KCND2: variants seen among roughly 807,000 people sequenced by gnomAD.
KCND2 encodes potassium voltage-gated channel subfamily D member 2, also known as A-type voltage-gated potassium channel KCND2.
KCND2 carries 16 observed loss-of-function variants against 54.4 expected under a neutral mutation model. The observed-to-expected ratio is 0.29, with a 90% CI of 0.20 to 0.45. The LOEUF (loss-of-function observed/expected upper bound fraction) is 0.45, where lower values mean the gene tolerates loss of function less well. Among genes scored for constraint, KCND2 ranks in the 20% least tolerant of loss-of-function variants. KCND2 has a pLI of 1.00. For synonymous variants in KCND2, 317 were observed against 310.7 expected, an observed-to-expected ratio of 1.02 and a Z score of -0.21; for missense variants, 486 against 824.2, an observed-to-expected ratio of 0.59 and a Z score of 5.02.
intron 1 of KCND2, among the ~76,000 whole-genome samples, chr7:120,532,668 C>CA (rs1172384815): frequency 1.3e-5 from 2 of 151,274 alleles, no homozygotes; most frequent in Admixed American, 6.6e-5. Flanking sequence ...GAAATGATAC[C>CA]AAAAAACCAT....
intron 1 of KCND2, among the ~76,000 whole-genome samples, chr7:120,292,681 A>G (rs896421274): frequency 3.4e-4 from 52 of 152,048 alleles, no homozygotes; most frequent in African/African-American, 1.2e-3. Context: ...AGTTTTAAAA[A>G]ATTGAGCTGA....
chr7:120,642,333 T>G (rs1003272071), intron 1 of KCND2, among the ~76,000 whole-genome samples: 1 of 149,676 alleles, frequency 6.7e-6, no homozygotes, highest in Admixed American at 6.7e-5. Context: ...GTGGATCACC[T>G]GAGGTCAGGA....
chr7:120,675,436 G>A (rs367606973), intron 1 of KCND2, among the ~76,000 whole-genome samples: 6 of 150,234 alleles, frequency 4.0e-5, no homozygotes, highest in South Asian at 2.1e-4. Context: ...ATGGGTTTTC[G>A]CCATGTTGGC....
chr7:120,524,288 GA>G (rs1791743862), intron 1 of KCND2, among the ~76,000 whole-genome samples: 1 of 151,930 alleles, frequency 6.6e-6, no homozygotes, highest in Admixed American at 6.6e-5. Flanking sequence ...TGTATACTAA[GA>G]ATAATAAGGT....
chr7:120,285,033 A>G (rs1799319705), intron 1 of KCND2, among the ~76,000 whole-genome samples: 1 of 152,190 alleles, frequency 6.6e-6, no homozygotes, highest in South Asian at 2.1e-4. Flanking sequence ...ATAACAGGAA[A>G]TTAAGAATAT....
At chr7:120,519,463 C>T (rs984132130) in intron 1 of KCND2, among the ~76,000 whole-genome samples, 1 of 152,110 alleles carries the variant, frequency 6.6e-6, no homozygotes, top group Admixed American at 6.6e-5. Context: ...AAATTCTGCC[C>T]ACAACCTGTC....
chr7:120,737,094 C>CAAA (rs1215749217), intron 2 of KCND2, among the ~76,000 whole-genome samples: 6 of 102,912 alleles, frequency 5.8e-5, no homozygotes, highest in African/African-American at 2.2e-4. Flanking sequence ...AAAAAAAAAA[C>CAAA]AAAACAAAAA....
intron 1 of KCND2, among the ~76,000 whole-genome samples, chr7:120,492,599 G>T (rs1238575907): frequency 3.3e-5 from 5 of 152,022 alleles, no homozygotes; most frequent in Non-Finnish European, 5.9e-5. Context: ...CCTTCTAGCT[G>T]TGTCCTGAAA....
chr7:120,526,116 T>TA, intron 1 of KCND2, among the ~76,000 whole-genome samples: 1 of 152,146 alleles, frequency 6.6e-6, no homozygotes, highest in East Asian at 1.9e-4. Context: ...CCAGGTCAGG[T>TA]TCTTTAGTAT....
At chr7:120,490,908 A>G (rs1562853655) in intron 1 of KCND2, among the ~76,000 whole-genome samples, 1 of 152,188 alleles carries the variant, frequency 6.6e-6, no homozygotes, top group Non-Finnish European at 1.5e-5. Context: ...AGTTATAACG[A>G]GATTTTGGGA....
intron 1 of KCND2, among the ~76,000 whole-genome samples, chr7:120,337,390 G>T (rs1442475291): frequency 1.3e-5 from 2 of 152,082 alleles, no homozygotes; most frequent in Non-Finnish European, 2.9e-5. Context: ...AAAACATCAG[G>T]GCCTAGCAAA....
At chr7:120,281,080 C>T (rs1230098709) in intron 1 of KCND2, among the ~76,000 whole-genome samples, 1 of 152,040 alleles carries the variant, frequency 6.6e-6, no homozygotes, top group Non-Finnish European at 1.5e-5. Context: ...GAATCTTTTA[C>T]CTGGCCTGAT....
intron 1 of KCND2, among the ~76,000 whole-genome samples, chr7:120,629,479 C>T (rs868329876): frequency 1.3e-5 from 2 of 152,024 alleles, no homozygotes; most frequent in African/African-American, 4.8e-5. Context: ...GAGCGAGACT[C>T]CGTCTCGGGG....
chr7:120,373,110 G>T (rs1312444201), intron 1 of KCND2, among the ~76,000 whole-genome samples: 1 of 151,804 alleles, frequency 6.6e-6, no homozygotes, highest in African/African-American at 2.4e-5. Context: ...AGACTTCCTA[G>T]TGTAATTCAT....
At chr7:120,342,457 T>C (rs1800254167) in intron 1 of KCND2, among the ~76,000 whole-genome samples, 1 of 152,176 alleles carries the variant, frequency 6.6e-6, no homozygotes, top group Admixed American at 6.6e-5. Context: ...CAACGATAAA[T>C]GATTCATGAA....
At chr7:120,733,650 G>A (rs920739415) in intron 2 of KCND2, among the ~76,000 whole-genome samples, 1 of 152,050 alleles carries the variant, frequency 6.6e-6, no homozygotes, top group African/African-American at 2.4e-5. Context: ...GGTTATTAAA[G>A]GTCACCAAGA....
chr7:120,470,261 AAG>A (rs1420398597), intron 1 of KCND2, among the ~76,000 whole-genome samples: 2 of 152,130 alleles, frequency 1.3e-5, no homozygotes, highest in Non-Finnish European at 2.9e-5. Context: ...AATCAAAGTA[AAG>A]AGAGAAAATT....
At chr7:120,423,624 G>A (rs1801659112) in intron 1 of KCND2, among the ~76,000 whole-genome samples, 2 of 152,158 alleles carry the variant, frequency 1.3e-5, no homozygotes, top group Admixed American at 1.3e-4. Flanking sequence ...CATTTAAAAT[G>A]GGACACAGTT....
chr7:120,382,298 A>G (rs1800926726), intron 1 of KCND2, among the ~76,000 whole-genome samples: 1 of 151,898 alleles, frequency 6.6e-6, no homozygotes, highest in South Asian at 2.1e-4. Context: ...GTAAGAGCAC[A>G]AGGATGAAAA....
Sources: gnomAD v4.1 joint callset for allele counts (sites outside exome capture counted in the v4.1 genomes callset) on GRCh38, gnomAD v4.1.1 for gene constraint, MANE v1.5 for transcripts, NCBI Gene and HGNC (gene_info 2026-07-23, HGNC 2026-07-21) for gene names.